Variants in SLC22A14 observed in about 807,000 individuals in gnomAD.
SLC22A14 encodes organic cation transporter-like 4.
A neutral mutation model predicts 53.9 loss-of-function variants in SLC22A14; 50 were observed. The ratio of observed to expected loss-of-function variants is 0.93; its 90% CI spans 0.74 to 1.17. SLC22A14 has a LOEUF of 1.17. SLC22A14 is among the 50% of genes most tolerant of loss of function. The pLI is 0.00. For missense variants in SLC22A14, 671 were observed against 734.7 expected (o/e 0.91, Z 1.00); for synonymous variants, 312 against 303.0 (o/e 1.03, Z -0.31).
Position 38,307,183 on chromosome 3 carries a change from C to T in SLC22A14, c.517-71C>T, listed in dbSNP as rs1354912102. 31 of 1,072,258 alleles carry T rather than the reference C, an allele frequency of 2.9e-5. No individual in the cohort carries two copies. Among genetic ancestry groups the T allele is most frequent in the East Asian group, 2.1e-4 (9 of 42,370 alleles). 66.4% of individuals were successfully genotyped at this position (1,072,258 alleles called of 1,614,324 possible). ...AGGTCCCCTTGGCCTATAGGTCCCA[C>T]GCTGGGATGAGTCTCAGTCTCTGGA... On this transcript the variant is annotated intron_variant, in intron 2 of 10. Coordinates refer to ENST00000448498, the MANE Select transcript of SLC22A14 (RefSeq NM_001320033.2). This position sits in a 1 kb window ranked among gnomAD's most constrained non-coding sequence, Gnocchi z 4.4.
intron 1 of SLC22A14, among the ~76,000 whole-genome samples, chr3:38,289,630 G>A (rs906801470): frequency 6.6e-6 from 1 of 152,168 alleles, no homozygotes; most frequent in Admixed American, 6.5e-5. Context: ...TGTTCAGCTC[G>A]ATTAGGATGA....
chr3:38,291,110 A>G (rs1703904473), intron 1 of SLC22A14, among the ~76,000 whole-genome samples: 1 of 152,198 alleles, frequency 6.6e-6, no homozygotes, highest in Admixed American at 6.5e-5. Flanking sequence ...TTTTAGTGCC[A>G]AAGTGAGGGC....
chr3:38,307,196 C>A lies in SLC22A14; in HGVS notation c.517-58C>A. On this transcript the variant is annotated intron_variant, in intron 2 of 10. Transcript: ENST00000448498. The surrounding 1 kb of genome is among the most constrained non-coding windows in gnomAD (Gnocchi z 4.4). ...CTATAGGTCCCACGCTGGGATGAGTCTCAGTCTCTGGACCCAAAGGTGGGC... is the reference window on the plus strand; with the variant it reads ...CTATAGGTCCCACGCTGGGATGAGTATCAGTCTCTGGACCCAAAGGTGGGC... The A allele has an allele frequency of 1.6e-6, 2 of 1,227,318 alleles. No homozygotes were observed. The highest frequency in any genetic ancestry group is 2.4e-6 in the Non-Finnish European group (2 of 826,992). The allele number at this position is 1,227,318 out of a possible 1,614,324, so 76.0% of individuals were successfully genotyped here.
At chr3:38,306,768 G>T (rs1704317649) in intron 2 of SLC22A14, among the ~76,000 whole-genome samples, 1 of 152,178 alleles carries the variant, frequency 6.6e-6, no homozygotes, top group African/African-American at 2.4e-5. Flanking sequence ...TGCATGGCAG[G>T]GTTTTCCATC....
intron 5 of SLC22A14, among the ~76,000 whole-genome samples, chr3:38,312,617 G>A (rs2125890704): frequency 6.6e-6 from 1 of 152,320 alleles, no homozygotes; most frequent in South Asian, 2.1e-4. Context: ...CCAACTAAGG[G>A]CATGGGGGCT....
rs183691114 is a variant in SLC22A14 at position 38,318,309 on chromosome 3, T to C, written c.*60T>C. On this transcript the variant is annotated 3_prime_UTR_variant, in exon 11 of 11. Coordinates refer to ENST00000448498, the MANE Select transcript of SLC22A14 (RefSeq NM_001320033.2). Reference sequence around the variant, plus strand: ...ATCCTGAGATTGGACCCATACCCTGTCTCCAACCCTGCCTTGAAGCAATTC... The same window carrying C: ...ATCCTGAGATTGGACCCATACCCTGCCTCCAACCCTGCCTTGAAGCAATTC... 2 of 1,456,906 alleles carry C rather than the reference T, an allele frequency of 1.4e-6. No homozygotes were observed. Among genetic ancestry groups the C allele is most frequent in the African/African-American group, 2.8e-5 (2 of 71,990 alleles). The allele number at this position is 1,456,906 out of a possible 1,614,324, so 90.2% of individuals were successfully genotyped here.
chr3:38,291,240 C>T (rs1052581953), intron 1 of SLC22A14, among the ~76,000 whole-genome samples: 1 of 152,168 alleles, frequency 6.6e-6, no homozygotes, highest in African/African-American at 2.4e-5. Flanking sequence ...AAGGAACTTC[C>T]ATCAGTATAC....
chr3:38,315,694 C>G lies in SLC22A14; in HGVS notation c.1515C>G (p.Leu505=). The change falls in exon 9 of 11, where the codon CTC becomes CTG. Residue 505 remains leucine (L), a synonymous_variant. Transcript: ENST00000448498. ...VTVFFLYTAE[L]LPTVLRATGL... Reference sequence around the variant, plus strand: ...TGTTCTTCCTCTACACCGCTGAGCTCCTCCCCACTGTGCTCAGGTATGGGG... The same window carrying G: ...TGTTCTTCCTCTACACCGCTGAGCTGCTCCCCACTGTGCTCAGGTATGGGG... 6.2e-7 allele frequency: 1 copy of G among 1,613,868 alleles called. No individual in the cohort carries two copies. Among genetic ancestry groups the G allele is most frequent in the Non-Finnish European group, 8.5e-7 (1 of 1,180,000 alleles).
intron 8 of SLC22A14, 118 bp downstream of exon 8, chr3:38,314,059 C>T: frequency 1.3e-6 from 1 of 744,132 alleles, no homozygotes; most frequent in Non-Finnish European, 2.2e-6. Flanking sequence ...CCTTCTGCAC[C>T]TATAGCCCAC....
Position 38,307,913 on chromosome 3 carries a change from CA to C in SLC22A14, c.775+194del, listed in dbSNP as rs1704355801. 3.2e-6 allele frequency: 2 copies of C among 617,228 alleles called. No individual in the cohort carries two copies. The highest frequency in any genetic ancestry group is 1.9e-5 in the South Asian group (1 of 51,822). The allele number at this position is 617,228 out of a possible 1,614,324, so 38.2% of individuals were successfully genotyped here. Reference sequence around the variant, plus strand: ...GCTGGGATCCCACAGGACACAGAGTCAGGGGCCTAATTGGACAGGCAGAAGT... The same window carrying C: ...GCTGGGATCCCACAGGACACAGAGTCGGGGCCTAATTGGACAGGCAGAAGT... On this transcript the variant is annotated intron_variant, in intron 4 of 10. Transcript: ENST00000448498. The surrounding 1 kb of genome is among the most constrained non-coding windows in gnomAD (Gnocchi z 4.4).
chr3:38,278,847 C>G (rs1316865218), upstream of SLC22A14, among the ~76,000 whole-genome samples: 1 of 138,076 alleles, frequency 7.2e-6, no homozygotes, highest in Non-Finnish European at 1.5e-5. Context: ...AAAAAGATGG[C>G]CTTCTTAGAT....
chr3:38,318,219 G>A lies in SLC22A14; in HGVS notation c.1755G>A (p.Lys585=), dbSNP rs1360084827. The change falls in exon 11 of 11, where the codon AAG becomes AAA. Residue 585 remains lysine, a synonymous_variant. Coordinates refer to ENST00000448498, the MANE Select transcript of SLC22A14 (RefSeq NM_001320033.2). ...SQIRNKVKDM[K]TKETSSDDV ...TCAGGAATAAGGTCAAGGACATGAA[G>A]ACTAAGGAAACATCATCTGATGATG... The A allele has an allele frequency of 1.9e-6, 3 of 1,614,110 alleles. No individual in the cohort carries two copies. In the Admixed American group the frequency reaches 5.0e-5, roughly 27 times the overall value.
At chr3:38,297,082 G>A (rs577203987) in intron 1 of SLC22A14, among the ~76,000 whole-genome samples, 81 of 152,332 alleles carry the variant, frequency 5.3e-4, no homozygotes, top group Middle Eastern at 3.4e-3. Context: ...TTGCCAGCTC[G>A]AATGCCTGGG....
rs1411858313 is a variant in SLC22A14, at chr3:38,316,488, C to T, written c.1697C>T (p.Pro566Leu). ...CTGCTGCCGGAAACGCGAGATCAGC[C>T]CCTCTCCGAGAGCCTGAACCACTCC... is the stretch of plus-strand genomic sequence containing the variant. ...SSLLPETRDQ[P>L]LSESLNHSSQ... Residue 566 changes from proline (P) to leucine (L), a missense_variant, in exon 10 of 11, where the codon CCC becomes CTC. Pro to Leu is a moderately conservative substitution (Grantham distance 98). Transcript: ENST00000448498. 1 of 1,614,138 alleles carries T rather than the reference C, an allele frequency of 6.2e-7. No homozygotes were observed. The highest frequency in any genetic ancestry group is 1.7e-5 in the Admixed American group (1 of 60,026).
intron 1 of SLC22A14, among the ~76,000 whole-genome samples, chr3:38,286,607 C>T (rs1286322671): frequency 6.6e-6 from 1 of 151,548 alleles, no homozygotes; most frequent in Non-Finnish European, 1.5e-5. Context: ...GACTGGGTTT[C>T]ACCATGTTGG....
intron 1 of SLC22A14, among the ~76,000 whole-genome samples, chr3:38,304,773 G>T (rs756123291): frequency 6.6e-6 from 1 of 152,108 alleles, no homozygotes; most frequent in Non-Finnish European, 1.5e-5. Context: ...TCTAGCCATG[G>T]TTTTCTTTTT....
rs1704677477 is a variant in SLC22A14, at chr3:38,318,329, C to A, written c.*80C>A. On this transcript the variant is annotated 3_prime_UTR_variant, in exon 11 of 11. Transcript: ENST00000448498. Reference sequence around the variant, plus strand: ...CCCTGTCTCCAACCCTGCCTTGAAGCAATTCAATAAAGAGGAAGCAAACAG... The same window carrying A: ...CCCTGTCTCCAACCCTGCCTTGAAGAAATTCAATAAAGAGGAAGCAAACAG... The A allele has an allele frequency of 7.5e-7, 1 of 1,341,150 alleles. No homozygotes were observed. Among genetic ancestry groups the A allele is most frequent in the Non-Finnish European group, 1.1e-6 (1 of 931,954 alleles). The allele number at this position is 1,341,150 out of a possible 1,614,324, so 83.1% of individuals were successfully genotyped here. A position where few individuals can be genotyped will look rare whatever the true frequency, so the allele number is the denominator to read the frequency against.
In SLC22A14 at chr3:38,308,354, C is replaced by G. The variant is rs532576958; in HGVS notation, c.776-600C>G. Among the ~76,000 whole-genome samples, 4 of 152,322 alleles carry G rather than the reference C, an allele frequency of 2.6e-5. No homozygotes were observed. The East Asian group carries it at 7.7e-4, about 29-fold the overall frequency. On this transcript the variant is annotated intron_variant, in intron 4 of 10. Transcript: ENST00000448498. Reference sequence around the variant, plus strand: ...TCCTGATGCAGCTGTCTTCAGCAGGCACTATTCTATTACTCCTTCAGCTGA... The same window carrying G: ...TCCTGATGCAGCTGTCTTCAGCAGGGACTATTCTATTACTCCTTCAGCTGA...
In SLC22A14 at chr3:38,307,469, G is replaced by A; in HGVS notation, c.621-97G>A. Reference sequence around the variant, plus strand: ...GAGGTGAGGGTAGGGGTTCTCCAGGGACCCATGGATGGCTCAGGGCCTGGC... The same window carrying A: ...GAGGTGAGGGTAGGGGTTCTCCAGGAACCCATGGATGGCTCAGGGCCTGGC... On this transcript the variant is annotated intron_variant, in intron 3 of 10. Coordinates refer to ENST00000448498, the MANE Select transcript of SLC22A14 (RefSeq NM_001320033.2). This position sits in a 1 kb window ranked among gnomAD's most constrained non-coding sequence, Gnocchi z 4.4. The A allele has an allele frequency of 6.4e-7, 1 of 1,562,022 alleles. No homozygotes were observed. Among genetic ancestry groups the A allele is most frequent in the Non-Finnish European group, 8.8e-7 (1 of 1,136,102 alleles).
Sources: gnomAD v4.1 joint callset for allele counts (sites outside exome capture counted in the v4.1 genomes callset) on GRCh38, gnomAD v4.1.1 for gene constraint, Gnocchi (gnomAD v3.1) non-coding constraint, MANE v1.5 for transcripts, NCBI Gene and HGNC (gene_info 2026-07-23, HGNC 2026-07-21) for gene names.